The following AMACR variants were observed in gnomAD, a reference collection of about 807,000 sequenced individuals.
AMACR encodes the protein alpha-methylacyl-CoA racemase, also known as 2-methylacyl-CoA racemase.
In AMACR, 18 loss-of-function variants were observed where a neutral mutation model predicts 22.2. The observed-to-expected ratio is 0.81, with a 90% confidence interval of 0.56 to 1.20. AMACR has a LOEUF of 1.20. Among genes scored for constraint, AMACR ranks in the 50% most tolerant of loss-of-function variants. The probability of loss-of-function intolerance (pLI) is 0.00; values close to 1 mark genes in which losing one functional copy is unlikely to be tolerated. For synonymous variants in AMACR, 213 were observed against 191.3 expected, an observed-to-expected ratio of 1.11 and a Z score of -0.94; for missense variants, 499 against 490.6, an observed-to-expected ratio of 1.02 and a Z score of -0.16.
intron 4 of AMACR, among the ~76,000 whole-genome samples, chr5:33,997,957 T>A (rs961519462): frequency 6.6e-6 from 1 of 152,260 alleles, no homozygotes; most frequent in African/African-American, 2.4e-5. Flanking sequence ...GTAAATGCAC[T>A]GTGATCAGCT....
At chr5:33,990,173 C>T (rs1753432984) in intron 4 of AMACR, among the ~76,000 whole-genome samples, 1 of 152,164 alleles carries the variant, frequency 6.6e-6, no homozygotes, top group Non-Finnish European at 1.5e-5. Context: ...TCCATCCATA[C>T]AAACATACAT....
chr5:33,994,241 G>A (rs1753569472), intron 4 of AMACR: 2 of 319,158 alleles, frequency 6.3e-6, no homozygotes, highest in Admixed American at 7.3e-5. Context: ...GGGCAGTGAT[G>A]CGATCTCAGT....
chr5:33,989,012 T>C lies in AMACR; in HGVS notation c.*81A>G, dbSNP rs1753384079. ...AGGACACTGTAATACTGTTCCTCCATGTTTCCATGCATACAATGTTATGTG... is the reference window on the plus strand; with the variant it reads ...AGGACACTGTAATACTGTTCCTCCACGTTTCCATGCATACAATGTTATGTG... On this transcript the variant is annotated 3_prime_UTR_variant, in exon 5 of 5. Coordinates refer to ENST00000335606, the MANE Select transcript of AMACR (RefSeq NM_014324.6). 2 of 1,595,810 alleles carry C rather than the reference T, an allele frequency of 1.3e-6. No homozygotes were observed. The highest frequency in any genetic ancestry group is 8.5e-7 in the Non-Finnish European group (1 of 1,171,106).
intron 2 of AMACR, 39 bp from the exon 3 acceptor site, chr5:34,004,773 T>A (rs1185760275): frequency 5.0e-6 from 8 of 1,597,082 alleles, no homozygotes; most frequent in Non-Finnish European, 6.9e-6. Flanking sequence ...TCTTTTAAAT[T>A]TAATCTCTTC....
chr5:33,989,423 A>G lies in AMACR; in HGVS notation c.819T>C (p.Asp273=). Reference sequence around the variant, plus strand: ...CTGCCTTCGTCTTCTCTGCAAATACATCTGCAAACTTCTTCTTCATTTCTG... The same window carrying G: ...CTGCCTTCGTCTTCTCTGCAAATACGTCTGCAAACTTCTTCTTCATTTCTG... ...DWPEMKKKFA[D]VFAEKTKAEW... The change falls in exon 5 of 5, where the codon GAT becomes GAC. Residue 273 remains aspartate, a synonymous_variant. Transcript: ENST00000335606. 1 of 1,614,198 alleles carries G rather than the reference A, an allele frequency of 6.2e-7. No homozygotes were observed. Among genetic ancestry groups the G allele is most frequent in the Non-Finnish European group, 8.5e-7 (1 of 1,180,008 alleles).
chr5:34,004,805 C>T, intron 2 of AMACR, 71 bp from the exon 3 acceptor site: 1 of 1,512,832 alleles, frequency 6.6e-7, no homozygotes. Context: ...ATGTGAGCAT[C>T]TTAGAGGAAT....
Position 33,989,176 on chromosome 5 carries a change from C to T in AMACR, c.1066G>A (p.Glu356Lys), listed in dbSNP as rs753686325. 1.2e-6 allele frequency: 2 copies of T among 1,614,102 alleles called. No homozygotes were observed. Among genetic ancestry groups the T allele is most frequent in the African/African-American group, 2.7e-5 (2 of 74,926 alleles). The part of the protein sequence containing the change: ...IGEHTEEILE[E>K]FGFSREEIYQ... The stretch of plus-strand genomic sequence containing the variant: ...ATCTCTTCGCGGCTGAATCCAAATT[C>T]TTCAAGTATCTCCTCAGTGTGTTCT... The change falls in exon 5 of 5, where the codon GAA (glutamate) becomes AAA (lysine). Residue 356 changes from glutamate (E) to lysine (K), a missense_variant. Transcript: ENST00000335606.
In AMACR at chr5:33,998,771, C is replaced by A. The variant is rs764931965; in HGVS notation, c.609G>T (p.Leu203=). The A allele has an allele frequency of 6.2e-7, 1 of 1,613,968 alleles. No individual in the cohort carries two copies. Among genetic ancestry groups the A allele is most frequent in the East Asian group, 2.2e-5 (1 of 44,888 alleles). ...TGTTCTGTCCTCGAGGTGCTTCCCA[C>A]AGACTCAATTTCTGAGTTTTCCACA... ...SFLWKTQKLS[L]WEAPRGQNML... is the part of the protein sequence containing the mutation. Residue 203 remains leucine (L), a synonymous_variant, in exon 4 of 5, where the codon CTG becomes CTT. Coordinates refer to ENST00000335606, the MANE Select transcript of AMACR (RefSeq NM_014324.6).
intron 4 of AMACR, 28 bp downstream of exon 4, chr5:33,998,613 C>G (rs1341604169): frequency 6.4e-7 from 1 of 1,573,576 alleles, no homozygotes; most frequent in East Asian, 2.3e-5. Context: ...AAAAGGGGAA[C>G]TGGGGGAGAC....
chr5:34,006,040 G>GT lies in AMACR; in HGVS notation c.248-142dup, dbSNP rs2112073233. ...GTAGGCTAATGGCATGTTTACAGCA[G>GT]TTAAGGACTCAAAGAGTGAAGCCAC... On this transcript the variant is annotated intron_variant, in intron 1 of 4. Transcript: ENST00000335606. 3 of 988,238 alleles carry GT rather than the reference G, an allele frequency of 3.0e-6. No homozygotes were observed. In the East Asian group the frequency reaches 7.7e-5, roughly 25 times the overall value. The allele number at this position is 988,238 out of a possible 1,614,324, so 61.2% of individuals were successfully genotyped here. A position where few individuals can be genotyped will look rare whatever the true frequency, so the allele number is the denominator to read the frequency against.
chr5:33,997,665 A>T, intron 4 of AMACR: 1 of 678,590 alleles, frequency 1.5e-6, no homozygotes, highest in Non-Finnish European at 2.7e-6. Context: ...GACAAAAGGC[A>T]AGCTTTTTAA....
At chr5:33,990,192 A>T (rs1753433308) in intron 4 of AMACR, among the ~76,000 whole-genome samples, 1 of 152,190 alleles carries the variant, frequency 6.6e-6, no homozygotes, top group Non-Finnish European at 1.5e-5. Flanking sequence ...ATACATTTTT[A>T]AAATAAAAGA....
chr5:33,995,735 A>G (rs945501453), intron 4 of AMACR, among the ~76,000 whole-genome samples: 9 of 152,378 alleles, frequency 5.9e-5, no homozygotes, highest in African/African-American at 2.2e-4. Flanking sequence ...TTAACTCCAG[A>G]GTGGCAGAAT....
In AMACR at chr5:33,989,211, G is replaced by T; in HGVS notation, c.1031C>A (p.Pro344His). The T allele has an allele frequency of 6.2e-7, 1 of 1,614,166 alleles. No homozygotes were observed. The highest frequency in any genetic ancestry group is 8.5e-7 in the Non-Finnish European group (1 of 1,180,026). ...CTCCTCAGTGTGTTCTCCTATGAAA[G>T]GATCCCTTTTGAAAGAAGGGATGGC... ...TPAIPSFKRD[P>H]FIGEHTEEIL... is the part of the protein sequence containing the mutation. The change falls in exon 5 of 5, where the codon CCT becomes CAT. Residue 344 changes from proline to histidine, a missense_variant. Pro to His is a moderately conservative substitution (Grantham distance 77, BLOSUM62 -2). Transcript: ENST00000335606.
chr5:34,007,792 C>A lies in AMACR; in HGVS notation c.228G>T (p.Leu76=). 6.4e-7 allele frequency: 1 copy of A among 1,568,240 alleles called. No individual in the cohort carries two copies. ...GCTCACCGCGGCGGAAGGGCTCCAG[C>A]AGCACATCCGACCGCTTGCACAGAC... is the stretch of plus-strand genomic sequence containing the variant. ...LRRLCKRSDV[L]LEPFRRGVME... is the part of the protein sequence containing the mutation. Residue 76 remains leucine (L), a synonymous_variant, in exon 1 of 5, where the codon CTG becomes CTT. Transcript: ENST00000335606.
At position 33,989,048 on chromosome 5, in the gene AMACR, C is replaced by T. The variant is rs769261872; in HGVS notation, c.*45G>A. On this transcript the variant is annotated 3_prime_UTR_variant, in exon 5 of 5. Transcript: ENST00000335606. ...ATACAATGTTATGTGTTACTCTACA[C>T]TGTAAATGCAGTATTCAAATTCACT... The T allele has an allele frequency of 2.5e-6, 4 of 1,612,812 alleles. No individual in the cohort carries two copies. Among genetic ancestry groups the T allele is most frequent in the Admixed American group, 3.3e-5 (2 of 59,948 alleles).
rs1344855871 is a variant in AMACR at position 33,986,605 on chromosome 5, G to A, written c.*2488C>T. On this transcript the variant is annotated 3_prime_UTR_variant, in exon 5 of 5. Transcript: ENST00000335606. ...GGGGCTACATTTCCAGGGTTCCCTT[G>A]TTTTCTGGCTTCTAGGTAGATTTGG... The A allele has an allele frequency of 6.6e-6, 1 of 152,240 alleles. No individual in the cohort carries two copies. Among genetic ancestry groups the A allele is most frequent in the African/African-American group, 2.4e-5 (1 of 41,434 alleles). 9.4% of individuals were successfully genotyped at this position (152,240 alleles called of 1,614,324 possible). A position where few individuals can be genotyped will look rare whatever the true frequency, so the allele number is the denominator to read the frequency against.
chr5:33,994,127 C>T lies in AMACR; in HGVS notation c.739+4514G>A, dbSNP rs778007339. ...AAAGTATGGTATCAAAGATCTAAAA[C>T]ACAAAGGGGAGTAAATTAGATATGT... On this transcript the variant is annotated intron_variant, in intron 4 of 4. Transcript: ENST00000335606. 61 of 449,866 alleles carry T rather than the reference C, an allele frequency of 1.4e-4. 1 individual carries two copies. The highest frequency in any genetic ancestry group is 9.4e-4 in the South Asian group (60 of 63,672). 27.9% of individuals were successfully genotyped at this position (449,866 alleles called of 1,614,324 possible). A position where few individuals can be genotyped will look rare whatever the true frequency, so the allele number is the denominator to read the frequency against.
intron 3 of AMACR, among the ~76,000 whole-genome samples, chr5:34,003,145 C>T (rs1753869400): frequency 1.3e-5 from 2 of 152,222 alleles, no homozygotes; most frequent in East Asian, 1.9e-4. Flanking sequence ...CTGTCCTCAG[C>T]CCTTGCTTCT....
Sources: gnomAD v4.1 joint callset for allele counts (sites outside exome capture counted in the v4.1 genomes callset) on GRCh38, gnomAD v4.1.1 for gene constraint, MANE v1.5 for transcripts, NCBI Gene and HGNC (gene_info 2026-07-23, HGNC 2026-07-21) for gene names.